The following NLRP12 variants were observed in gnomAD, a reference collection of about 807,000 sequenced individuals.
NLRP12 encodes the protein NLR family pyrin domain containing 12.
Under a neutral mutation model 91.2 loss-of-function variants are expected in NLRP12, and 108 were observed. The observed-to-expected ratio is 1.18, with a 90% CI of 1.01 to 1.39. The LOEUF is 1.39. NLRP12 is among the 40% of genes most tolerant of loss of function. NLRP12 has a pLI of 0.00. For missense variants in NLRP12, 1,530 were observed against 1,352.7 expected, an observed-to-expected ratio of 1.13 and a Z score of -2.06; for synonymous variants, 613 against 566.7, an observed-to-expected ratio of 1.08 and a Z score of -1.16.
Position 53,810,935 on chromosome 19 carries a change from C to T in NLRP12, c.724G>A (p.Gly242Ser). The change falls in exon 3 of 10, where the codon GGC (glycine) becomes AGC (serine). Residue 242 changes from glycine to serine, a missense_variant. Physicochemically the swap from Gly to Ser is moderately conservative, Grantham distance 56. Coordinates refer to ENST00000324134, the MANE Select transcript of NLRP12 (RefSeq NM_144687.4). Reference sequence around the variant, plus strand: ...ATGTAGAAGAGATAATCAAATCTGCCTTGGAAGAGCTTCCCGTCCGCCCAG... The same window carrying T: ...ATGTAGAAGAGATAATCAAATCTGCTTTGGAAGAGCTTCCCGTCCGCCCAG... ...LDWADGKLFQ[G>S]RFDYLFYINC... 1 of 1,614,130 alleles carries T rather than the reference C, an allele frequency of 6.2e-7. No individual in the cohort carries two copies. The highest frequency in any genetic ancestry group is 8.5e-7 in the Non-Finnish European group (1 of 1,180,024).
At chr19:53,802,730 A>G (rs2091895423) in intron 6 of NLRP12, among the ~76,000 whole-genome samples, 1 of 150,950 alleles carries the variant, frequency 6.6e-6, no homozygotes, top group South Asian at 2.1e-4. Context: ...AAAACTGGGG[A>G]AGATGGTACA....
At chr19:53,803,603 T>C (rs997750422) in intron 6 of NLRP12, 5 of 357,128 alleles carry the variant, frequency 1.4e-5, no homozygotes, top group Non-Finnish European at 2.7e-5. Flanking sequence ...AGATGGAGTC[T>C]CACTCTGTCA....
intron 4 of NLRP12, among the ~76,000 whole-genome samples, chr19:53,806,790 T>G (rs1375243847): frequency 2.0e-5 from 3 of 146,690 alleles, no homozygotes; most frequent in Admixed American, 6.9e-5. Context: ...TCCAGGAGTT[T>G]GGGGCTGCAG....
chr19:53,819,549 A>ATGTATATG (rs1160127651), intron 1 of NLRP12, among the ~76,000 whole-genome samples: 1 of 113,150 alleles, frequency 8.8e-6, no homozygotes, highest in African/African-American at 3.3e-5. Context: ...ACGTATATAT[A>ATGTATATG]TGTATGTATA....
chr19:53,806,093 G>T (rs1016717520), intron 4 of NLRP12, among the ~76,000 whole-genome samples: 13 of 151,850 alleles, frequency 8.6e-5, no homozygotes, highest in Non-Finnish European at 2.9e-5. Context: ...AATTAGCTGG[G>T]TGTGGTGATG....
At chr19:53,815,862 G>A (rs927961027) in intron 1 of NLRP12, among the ~76,000 whole-genome samples, 5 of 151,866 alleles carry the variant, frequency 3.3e-5, no homozygotes, top group Non-Finnish European at 5.9e-5. Flanking sequence ...CACCCAACTC[G>A]GCCTCCCAAA....
At chr19:53,815,199 T>C (rs922988064) in intron 1 of NLRP12, among the ~76,000 whole-genome samples, 3 of 150,404 alleles carry the variant, frequency 2.0e-5, no homozygotes, top group African/African-American at 4.9e-5. Context: ...CTCATGGTCA[T>C]TGGCACCTCC....
chr19:53,795,584 C>T (rs2122501274), intron 9 of NLRP12, among the ~76,000 whole-genome samples: 1 of 150,872 alleles, frequency 6.6e-6, no homozygotes, highest in East Asian at 2.0e-4. Flanking sequence ...CCATTTTAGC[C>T]AGGATGGTCT....
chr19:53,810,937 T>G lies in NLRP12; in HGVS notation c.722A>C (p.Gln241Pro). 6.2e-7 allele frequency: 1 copy of G among 1,614,132 alleles called. No homozygotes were observed. Among genetic ancestry groups the G allele is most frequent in the Non-Finnish European group, 8.5e-7 (1 of 1,180,038 alleles). ...MLDWADGKLF[Q>P]GRFDYLFYIN... ...GTAGAAGAGATAATCAAATCTGCCT[T>G]GGAAGAGCTTCCCGTCCGCCCAGTC... The change falls in exon 3 of 10, where the codon CAA (glutamine) becomes CCA (proline). Residue 241 changes from glutamine to proline, a missense_variant. Transcript: ENST00000324134.
rs1458972025 is a variant in NLRP12, at chr19:53,804,031, C to T, written c.2506G>A (p.Gly836Arg). The T allele has an allele frequency of 1.2e-6, 2 of 1,614,126 alleles. No homozygotes were observed. Among genetic ancestry groups the T allele is most frequent in the Non-Finnish European group, 1.7e-6 (2 of 1,180,010 alleles). The change falls in exon 6 of 10, where the codon GGA becomes AGA. Residue 836 changes from glycine to arginine, a missense_variant. Gly to Arg is a moderately radical substitution (Grantham distance 125). Coordinates refer to ENST00000324134, the MANE Select transcript of NLRP12 (RefSeq NM_144687.4). ...AGGCCCAAATCCTCCAGTGCATTTC[C>T]TGTCAGGTCCAACTCAACCAGATGT... ...NPHLVELDLT[G>R]NALEDLGLRL... is the part of the protein sequence containing the mutation.
chr19:53,794,614 C>T (rs1256526063), intron 9 of NLRP12, among the ~76,000 whole-genome samples: 1 of 113,584 alleles, frequency 8.8e-6, no homozygotes, highest in East Asian at 2.2e-4. Flanking sequence ...GCCACCACAC[C>T]TGGCCAATTC....
intron 5 of NLRP12, among the ~76,000 whole-genome samples, chr19:53,804,358 AT>A (rs34422734): frequency 1.3e-4 from 18 of 136,636 alleles, no homozygotes; most frequent in Admixed American, 8.8e-4. Flanking sequence ...CACCTGCCTA[AT>A]TTTTTTTGTT....
At chr19:53,817,365 G>A (rs1381749642) in intron 1 of NLRP12, among the ~76,000 whole-genome samples, 1 of 151,922 alleles carries the variant, frequency 6.6e-6, no homozygotes, top group Non-Finnish European at 1.5e-5. Context: ...GGGAGTCAGA[G>A]GTTGAAGTGT....
rs1568683424 is a variant in NLRP12 at position 53,811,231 on chromosome 19, CG to C, written c.427del (p.Arg143AlafsTer5). Reference sequence around the variant, plus strand: ...GACACATTCCCCTAGGCGCGCATTGCGGTCTTCCATGAGCCGGAATTTCCTG... The same window carrying C: ...GACACATTCCCCTAGGCGCGCATTGCGTCTTCCATGAGCCGGAATTTCCTG... The part of the protein sequence containing the change: ...VRRKFRLMED[R>X]NARLGECVNL... On this transcript the variant is annotated frameshift_variant, in exon 3 of 10. Coordinates refer to ENST00000324134, the MANE Select transcript of NLRP12 (RefSeq NM_144687.4). LOFTEE classifies it high-confidence loss of function. 1 of 1,614,054 alleles carries C rather than the reference CG, an allele frequency of 6.2e-7. No individual in the cohort carries two copies. Among genetic ancestry groups the C allele is most frequent in the Non-Finnish European group, 8.5e-7 (1 of 1,180,032 alleles).
Position 53,798,301 on chromosome 19 carries a change from C to T in NLRP12, c.2869G>A (p.Gly957Ser), listed in dbSNP as rs149951954. ...DLSFNDLGDW[G>S]LWLLAEGLQH... ...AGCCCCTCAGCCAGCAACCACAGGC[C>T]CCAGTCTCCCAGGTCGTTGAAACTC... The change falls in exon 8 of 10, where the codon GGC becomes AGC. Residue 957 changes from glycine to serine, a missense_variant. By Grantham distance (56) the Gly-to-Ser change is moderately conservative. Coordinates refer to ENST00000324134, the MANE Select transcript of NLRP12 (RefSeq NM_144687.4). The T allele has an allele frequency of 6.8e-6, 11 of 1,614,044 alleles. No homozygotes were observed. Among genetic ancestry groups the T allele is most frequent in the African/African-American group, 2.7e-5 (2 of 74,922 alleles).
At position 53,795,015 on chromosome 19, in the gene NLRP12, G is replaced by A. The variant is rs535981866; in HGVS notation, c.3098+844C>T. 7.2e-5 allele frequency among the ~76,000 whole-genome samples: 11 copies of A among 151,966 alleles called. No individual in the cohort carries two copies. In the South Asian group the frequency reaches 2.3e-3, roughly 32 times the overall value. On this transcript the variant is annotated intron_variant, in intron 9 of 9. Coordinates refer to ENST00000324134, the MANE Select transcript of NLRP12 (RefSeq NM_144687.4). ...CCCAGTGGCGTAATCATGGTTCACT[G>A]CAGCCTTGAACTCCTGAGCTCAAAG...
intron 4 of NLRP12, 71 bp from the exon 5 acceptor site, chr19:53,805,521 CTT>C (rs34166148): frequency 4.7e-4 from 552 of 1,176,338 alleles, no homozygotes; most frequent in Middle Eastern, 8.4e-4. Context: ...TTTTCTTTTG[CTT>C]TTTTTTTTTT....
In NLRP12 at chr19:53,799,353, T is replaced by TA. The variant is rs201032573; in HGVS notation, c.2757-941dup. Reference sequence around the variant, plus strand: ...TTTTTGTTTTTTGCTGGTGCCTTGATAAAAAAAATACACAAAGTGTGTTTT... The same window carrying TA: ...TTTTTGTTTTTTGCTGGTGCCTTGATAAAAAAAAATACACAAAGTGTGTTTT... On this transcript the variant is annotated intron_variant, in intron 7 of 9. Transcript: ENST00000324134. 9.3e-3 allele frequency among the ~76,000 whole-genome samples: 1,418 copies of TA among 151,924 alleles called. 20 individuals carry two copies. The highest frequency in any genetic ancestry group is 0.054 in the East Asian group (276 of 5,158).
intron 2 of NLRP12, among the ~76,000 whole-genome samples, chr19:53,812,079 CAAAAG>C (rs376076769): frequency 0.016 from 2,426 of 151,098 alleles, 36 homozygotes; most frequent in Non-Finnish European, 0.024. Flanking sequence ...TCTATAAAAA[CAAAAG>C]AAAGAGAAAA....
Sources: gnomAD v4.1 joint callset for allele counts (sites outside exome capture counted in the v4.1 genomes callset) on GRCh38, gnomAD v4.1.1 for gene constraint, MANE v1.5 for transcripts, NCBI Gene and HGNC (gene_info 2026-07-23, HGNC 2026-07-21) for gene names.